HIKESHI: variants seen among roughly 807,000 people sequenced by gnomAD.
The protein encoded by HIKESHI is protein Hikeshi.
In HIKESHI, 13 loss-of-function variants were observed where a neutral mutation model predicts 25.7. That is an observed-to-expected ratio of 0.51 (90% CI 0.33 to 0.80). The LOEUF (loss-of-function observed/expected upper bound fraction) is 0.80. Among genes scored for constraint, HIKESHI ranks in the 30% least tolerant of loss-of-function variants. HIKESHI has a pLI of 0.02. For synonymous variants in HIKESHI, 76 were observed against 78.7 expected (o/e 0.97, Z 0.18); for missense variants, 174 against 229.5 (o/e 0.76, Z 1.56).
At chr11:86,319,240 A>ATTTTTTTTTT (rs1273706275) in intron 2 of HIKESHI, among the ~76,000 whole-genome samples, 7 of 92,968 alleles carry the variant, frequency 7.5e-5, no homozygotes, top group South Asian at 7.8e-4. Context: ...ATATATATAT[A>ATTTTTTTTTT]TATTTTTTTT....
In HIKESHI at chr11:86,302,446, G is replaced by C; in HGVS notation, c.-3G>C. The C allele has an allele frequency of 6.4e-7, 1 of 1,554,940 alleles. No homozygotes were observed. Among genetic ancestry groups the C allele is most frequent in the Non-Finnish European group, 8.7e-7 (1 of 1,149,008 alleles). ...CTGCCGGCTGAACGGAGCTGCCGTC[G>C]CCATGTTTGGCTGCTTGGTGGCGGG... On this transcript the variant is annotated 5_prime_UTR_variant, in exon 1 of 5. Transcript: ENST00000278483.
chr11:86,340,656 G>T (rs971933100), intron 3 of HIKESHI, among the ~76,000 whole-genome samples: 2 of 151,882 alleles, frequency 1.3e-5, no homozygotes, highest in African/African-American at 2.4e-5. Flanking sequence ...TAGTCAAATA[G>T]TTTTTTTGAG....
intron 2 of HIKESHI, among the ~76,000 whole-genome samples, chr11:86,318,055 A>T (rs1358604123): frequency 7.2e-5 from 11 of 152,096 alleles, no homozygotes; most frequent in Non-Finnish European, 7.4e-5. Context: ...CTGTAATCCC[A>T]GCACTTTGGG....
chr11:86,306,316 C>T lies in HIKESHI; in HGVS notation c.102C>T (p.Asn34=), dbSNP rs1298771449. The T allele has an allele frequency of 1.2e-6, 2 of 1,614,014 alleles. No homozygotes were observed. The highest frequency in any genetic ancestry group is 1.7e-6 in the Non-Finnish European group (2 of 1,179,986). ...ACTTACCTGATTATGAAAGTATCAACCATGTTGTGGTTTTTATGCTGGGAA... is the reference window on the plus strand; with the variant it reads ...ACTTACCTGATTATGAAAGTATCAATCATGTTGTGGTTTTTATGCTGGGAA... The part of the protein sequence containing the change: ...VFDLPDYESI[N]HVVVFMLGTI... Residue 34 remains asparagine (N), a synonymous_variant, in exon 2 of 5, where the codon AAC becomes AAT. Coordinates refer to ENST00000278483, the MANE Select transcript of HIKESHI (RefSeq NM_016401.4).
chr11:86,329,448 A>T (rs1013128319), intron 2 of HIKESHI, among the ~76,000 whole-genome samples: 1 of 152,086 alleles, frequency 6.6e-6, no homozygotes, highest in African/African-American at 2.4e-5. Context: ...AAAGGGTATG[A>T]TATATATTGA....
rs187124027 is a variant in HIKESHI, at chr11:86,320,385, C to T, written c.268+13903C>T. 3.3e-3 allele frequency among the ~76,000 whole-genome samples: 501 copies of T among 152,280 alleles called. 3 individuals carry two copies. Among genetic ancestry groups the T allele is most frequent in the Middle Eastern group, 6.8e-3 (2 of 294 alleles). On this transcript the variant is annotated intron_variant, in intron 2 of 4. Transcript: ENST00000278483. ...TTGAGGTCAGGAGTTTGAGACCAGC[C>T]TGGCTAACGTGGTGAAACCCTGTCT...
chr11:86,319,247 T>C (rs1274581077), intron 2 of HIKESHI, among the ~76,000 whole-genome samples: 3 of 140,508 alleles, frequency 2.1e-5, no homozygotes, highest in African/African-American at 7.8e-5. Context: ...TATATATTTT[T>C]TTTTTTTTTG....
chr11:86,337,564 C>A (rs758784987), intron 3 of HIKESHI, 34 bp downstream of exon 3: 1 of 1,593,348 alleles, frequency 6.3e-7, no homozygotes, highest in East Asian at 2.3e-5. Flanking sequence ...TTTACCTCCC[C>A]CTCCACTGCT....
At chr11:86,323,898 G>T (rs1175854884) in intron 2 of HIKESHI, 4 of 152,138 alleles carry the variant, frequency 2.6e-5, no homozygotes, top group African/African-American at 9.7e-5. Flanking sequence ...CTCAATCCCA[G>T]AGTAATACTT....
At chr11:86,339,114 C>T (rs1327373260) in intron 3 of HIKESHI, among the ~76,000 whole-genome samples, 2 of 152,156 alleles carry the variant, frequency 1.3e-5, no homozygotes, top group African/African-American at 2.4e-5. Flanking sequence ...GGCGCGATCT[C>T]GGCTCACTGC....
intron 3 of HIKESHI, 46 bp from the exon 4 acceptor site, chr11:86,344,557 A>C (rs1947818776): frequency 1.8e-6 from 2 of 1,088,110 alleles, no homozygotes; most frequent in Non-Finnish European, 1.4e-6. Flanking sequence ...TTGAGTTCTA[A>C]ATGAAGTATT....
intron 1 of HIKESHI, 124 bp downstream of exon 1, chr11:86,302,602 T>C (rs545393581): frequency 2.7e-6 from 3 of 1,124,916 alleles, no homozygotes; most frequent in East Asian, 2.6e-5. Context: ...TGGGTGGGTA[T>C]GTGAGGATGG....
intron 1 of HIKESHI, among the ~76,000 whole-genome samples, chr11:86,305,712 G>T (rs945496692): frequency 1.1e-4 from 17 of 151,940 alleles, no homozygotes; most frequent in African/African-American, 4.1e-4. Flanking sequence ...TCCTTTCAGG[G>T]CACCTCTGAA....
At position 86,310,014 on chromosome 11, in the gene HIKESHI, TG is replaced by T. The variant is rs748900877; in HGVS notation, c.268+3533del. Reference sequence around the variant, plus strand: ...TCAGGTAGCGTGATGTCTCCAGCTTTGTTCTTTTGGCTTAGGATTGTCTTGG... The same window carrying T: ...TCAGGTAGCGTGATGTCTCCAGCTTTTTCTTTTGGCTTAGGATTGTCTTGG... On this transcript the variant is annotated intron_variant, in intron 2 of 4. Coordinates refer to ENST00000278483, the MANE Select transcript of HIKESHI (RefSeq NM_016401.4). Among the ~76,000 whole-genome samples, 236 of 150,344 alleles carry T rather than the reference TG, an allele frequency of 1.6e-3. 1 individual carries two copies. Among genetic ancestry groups the T allele is most frequent in the Non-Finnish European group, 2.9e-3 (195 of 67,736 alleles).
At chr11:86,345,186 TG>T in intron 4 of HIKESHI, 1 of 1,021,326 alleles carries the variant, frequency 9.8e-7, no homozygotes, top group Non-Finnish European at 1.2e-6. Context: ...TGGAGAGCAT[TG>T]GAATGCACTA....
At chr11:86,337,641 T>C in intron 3 of HIKESHI, 111 bp downstream of exon 3, 3 of 1,173,078 alleles carry the variant, frequency 2.6e-6, no homozygotes, top group East Asian at 2.7e-5. Context: ...TTTTGATACA[T>C]GTTTACATTT....
rs34980731 is a variant in HIKESHI, at chr11:86,342,478, CGTGTGTGTGTGTGT to C, written c.421-2094_421-2081del. ...TGATATGTAAAGATATAAAGATGTTCGTGTGTGTGTGTGTGTGTGTGTGTGTGTGTGTGTGTGTG... is the reference window on the plus strand; with the variant it reads ...TGATATGTAAAGATATAAAGATGTTCGTGTGTGTGTGTGTGTGTGTGTGTG... On this transcript the variant is annotated intron_variant, in intron 3 of 4. Coordinates refer to ENST00000278483, the MANE Select transcript of HIKESHI (RefSeq NM_016401.4). 2.4e-3 allele frequency among the ~76,000 whole-genome samples: 359 copies of C among 147,458 alleles called. 2 individuals carry two copies. The highest frequency in any genetic ancestry group is 4.3e-3 in the Non-Finnish European group (288 of 66,568).
intron 2 of HIKESHI, among the ~76,000 whole-genome samples, chr11:86,318,445 A>G (rs924883905): frequency 6.6e-6 from 1 of 151,970 alleles, no homozygotes. Context: ...CCTTTAAGAA[A>G]CAAATTGTTC....
At chr11:86,340,936 C>T (rs1172409898) in intron 3 of HIKESHI, among the ~76,000 whole-genome samples, 2 of 152,204 alleles carry the variant, frequency 1.3e-5, no homozygotes, top group South Asian at 4.1e-4. Context: ...AGCCATCACG[C>T]CCAGCCTCAA....
Sources: gnomAD v4.1 joint callset for allele counts (sites outside exome capture counted in the v4.1 genomes callset) on GRCh38, gnomAD v4.1.1 for gene constraint, MANE v1.5 for transcripts, NCBI Gene and HGNC (gene_info 2026-07-23, HGNC 2026-07-21) for gene names.